Variants in NLGN1 observed in about 807,000 individuals in gnomAD.
NLGN1 encodes neuroligin 1.
A neutral mutation model predicts 65.5 loss-of-function variants in NLGN1; 12 were observed. The ratio of observed to expected loss-of-function variants is 0.18; its 90% CI spans 0.12 to 0.30. The LOEUF (loss-of-function observed/expected upper bound fraction) is 0.30, where lower values mean the gene tolerates loss of function less well. Among genes scored for constraint, NLGN1 ranks in the 10% least tolerant of loss-of-function variants. NLGN1 has a pLI of 1.00. For synonymous variants in NLGN1, 350 were observed against 359.5 expected, an observed-to-expected ratio of 0.97 and a Z score of 0.30; for missense variants, 750 against 1,007.1, an observed-to-expected ratio of 0.74 and a Z score of 3.46.
At chr3:173,832,439 A>G (rs1478929000) in intron 4 of NLGN1, among the ~76,000 whole-genome samples, 1 of 152,194 alleles carries the variant, frequency 6.6e-6, no homozygotes, top group Non-Finnish European at 1.5e-5. Context: ...ATTTCATGCC[A>G]ATTTGTAGCC....
At chr3:173,444,770 ATGTGTATATATG>A (rs201460159) in intron 2 of NLGN1, among the ~76,000 whole-genome samples, 2,154 of 152,098 alleles carry the variant, frequency 0.014, 64 homozygotes, top group African/African-American at 0.05. Context: ...GTGTATATAC[ATGTGTATATATG>A]TGTGTATATA....
At chr3:174,266,343 A>C (rs1236953932) in intron 4 of NLGN1, among the ~76,000 whole-genome samples, 2 of 152,140 alleles carry the variant, frequency 1.3e-5, no homozygotes, top group Non-Finnish European at 2.9e-5. Flanking sequence ...TTTGCGTAGG[A>C]TAATGGCTTC....
intron 4 of NLGN1, among the ~76,000 whole-genome samples, chr3:174,263,090 G>C (rs1431207590): frequency 6.8e-6 from 1 of 146,616 alleles, no homozygotes; most frequent in East Asian, 2.0e-4. Context: ...TTGCTGAGGA[G>C]AGCTTTACTT....
intron 3 of NLGN1, among the ~76,000 whole-genome samples, chr3:173,743,458 C>G (rs958686751): frequency 1.3e-5 from 2 of 152,122 alleles, no homozygotes; most frequent in Non-Finnish European, 2.9e-5. Context: ...ATTATTCATA[C>G]TACTTCAGTG....
chr3:173,917,987 A>G (rs1173423955), intron 4 of NLGN1, among the ~76,000 whole-genome samples: 1 of 152,116 alleles, frequency 6.6e-6, no homozygotes, highest in Non-Finnish European at 1.5e-5. Flanking sequence ...TTTTAAATTC[A>G]GTCCCTTTTC....
At chr3:174,116,343 T>A (rs866244590) in intron 4 of NLGN1, among the ~76,000 whole-genome samples, 1 of 138,518 alleles carries the variant, frequency 7.2e-6, no homozygotes, top group African/African-American at 2.7e-5. Flanking sequence ...TTTTTTTTTT[T>A]TTTTTTTTTT....
At chr3:173,575,691 C>T (rs1408347853) in intron 2 of NLGN1, among the ~76,000 whole-genome samples, 3 of 152,144 alleles carry the variant, frequency 2.0e-5, no homozygotes, top group Non-Finnish European at 4.4e-5. Flanking sequence ...TTATTGCTGG[C>T]ATTTTTACAA....
chr3:173,955,480 T>A (rs1014208087), intron 4 of NLGN1, among the ~76,000 whole-genome samples: 4 of 152,170 alleles, frequency 2.6e-5, no homozygotes, highest in African/African-American at 9.7e-5. Flanking sequence ...AGTTTCTAAT[T>A]TTACATAAAG....
At chr3:174,167,070 G>A (rs1290112555) in intron 4 of NLGN1, among the ~76,000 whole-genome samples, 1 of 151,966 alleles carries the variant, frequency 6.6e-6, no homozygotes, top group Non-Finnish European at 1.5e-5. Flanking sequence ...GAGTCCAGGG[G>A]TTGTCATTAC....
intron 4 of NLGN1, among the ~76,000 whole-genome samples, chr3:174,170,985 G>T (rs954947304): frequency 6.6e-6 from 1 of 152,106 alleles, no homozygotes; most frequent in Non-Finnish European, 1.5e-5. Flanking sequence ...TTACATTCAT[G>T]TCAAGGGAAA....
At chr3:173,795,631 G>A (rs1488551) in intron 3 of NLGN1, among the ~76,000 whole-genome samples, 130,074 of 152,048 alleles carry the variant, frequency 0.86, 56,534 homozygotes, top group African/African-American at 0.93. Context: ...AAACCATTGT[G>A]TTTTAATGTT....
chr3:174,171,564 G>T (rs951512856), intron 4 of NLGN1, among the ~76,000 whole-genome samples: 1 of 152,080 alleles, frequency 6.6e-6, no homozygotes, highest in Non-Finnish European at 1.5e-5. Context: ...GATCTTTAAT[G>T]TTGAAAAATT....
In NLGN1 at chr3:173,819,766, T is replaced by C. The variant is rs546177894; in HGVS notation, c.646+11934T>C. Among the ~76,000 whole-genome samples the C allele has an allele frequency of 2.0e-5, 3 of 152,260 alleles. No homozygotes were observed. The East Asian group carries it at 5.8e-4, about 29-fold the overall frequency. On this transcript the variant is annotated intron_variant, in intron 4 of 6. Coordinates refer to ENST00000457714, the Ensembl canonical transcript of NLGN1. The stretch of plus-strand genomic sequence containing the variant: ...ACCACCCAAATTAAAAAATATCTGG[T>C]TTTCCAATTTTATTAAGACAACAGA...
chr3:174,220,616 A>T (rs1202715164), intron 4 of NLGN1, among the ~76,000 whole-genome samples: 1 of 152,188 alleles, frequency 6.6e-6, no homozygotes, highest in Non-Finnish European at 1.5e-5. Flanking sequence ...ATGTGTGCAT[A>T]TGTAAAACTT....
At chr3:173,410,098 G>T (rs987667254) in intron 1 of NLGN1, among the ~76,000 whole-genome samples, 1 of 152,134 alleles carries the variant, frequency 6.6e-6, no homozygotes, top group Admixed American at 6.5e-5. Flanking sequence ...ATGATTCTGT[G>T]TGGACTTCAC....
At chr3:173,473,514 G>T (rs1725648317) in intron 2 of NLGN1, among the ~76,000 whole-genome samples, 1 of 152,140 alleles carries the variant, frequency 6.6e-6, no homozygotes, top group African/African-American at 2.4e-5. Flanking sequence ...AGTTCAGGAA[G>T]ACAGAACTAT....
At chr3:173,559,320 T>G (rs1742265029) in intron 2 of NLGN1, among the ~76,000 whole-genome samples, 1 of 152,226 alleles carries the variant, frequency 6.6e-6, no homozygotes, top group South Asian at 2.1e-4. Context: ...CTACCTACTC[T>G]GCGCTGTCTA....
rs181030803 is a variant in NLGN1, at chr3:174,285,670, G to T, written c.*4367G>T. ...TTCTGATTTGATTTTATTCTGGCAC[G>T]TTGCTGTATTTGGATGCAGGCCAGA... On this transcript the variant is annotated 3_prime_UTR_variant, in exon 7 of 7. Coordinates refer to ENST00000457714, the Ensembl canonical transcript of NLGN1. The T allele has an allele frequency of 8.6e-5, 13 of 151,430 alleles. 1 individual carries two copies. The highest frequency in any genetic ancestry group is 2.9e-4 in the African/African-American group (12 of 41,424). 9.4% of individuals were successfully genotyped at this position (151,430 alleles called of 1,614,324 possible).
intron 4 of NLGN1, among the ~76,000 whole-genome samples, chr3:174,129,981 G>C (rs191709543): frequency 3.9e-4 from 60 of 152,336 alleles, no homozygotes; most frequent in Admixed American, 3.4e-3. Context: ...ATCTGTAAGA[G>C]CCTGTCTGTT....
Sources: gnomAD v4.1 joint callset for allele counts (sites outside exome capture counted in the v4.1 genomes callset) on GRCh38, gnomAD v4.1.1 for gene constraint, MANE v1.5 for transcripts, NCBI Gene and HGNC (gene_info 2026-07-23, HGNC 2026-07-21) for gene names.